The following GALNT16 variants were observed in gnomAD, a reference collection of about 807,000 sequenced individuals.
GALNT16 encodes the protein UDP-GalNAc:polypeptide N-acetylgalactosaminyltransferase-like protein 1.
GALNT16 carries 40 observed loss-of-function variants against 76.1 expected under a neutral mutation model. The observed-to-expected ratio is 0.53, with a 90% confidence interval of 0.41 to 0.68. GALNT16 has a LOEUF of 0.68. Among genes scored for constraint, GALNT16 ranks in the 30% least tolerant of loss-of-function variants. The pLI, the probability that GALNT16 is intolerant of heterozygous loss-of-function variation, is 0.00. For synonymous variants in GALNT16, 276 were observed against 285.2 expected (o/e 0.97, Z 0.32); for missense variants, 621 against 731.9 (o/e 0.85, Z 1.75).
the GALNT16 span, among the ~76,000 whole-genome samples, chr14:69,372,797 A>C: frequency 6.6e-6 from 1 of 152,184 alleles, no homozygotes; most frequent in Non-Finnish European, 1.5e-5. Context: ...TCTCTAATCA[A>C]CTTCATTCTA....
At chr14:69,383,002 C>T in the GALNT16 span, among the ~76,000 whole-genome samples, 2 of 152,156 alleles carry the variant, frequency 1.3e-5, no homozygotes. Flanking sequence ...GCAGTGAAAT[C>T]AGAAATGTCT....
intron 1 of GALNT16, among the ~76,000 whole-genome samples, chr14:69,305,624 TG>T (rs765271433): frequency 2.6e-5 from 4 of 152,250 alleles, no homozygotes; most frequent in Non-Finnish European, 5.9e-5. Context: ...TTTTTGTTTT[TG>T]TTTTTTTTAA....
intron 1 of GALNT16, among the ~76,000 whole-genome samples, chr14:69,293,137 T>C (rs2044709568): frequency 6.6e-6 from 1 of 152,124 alleles, no homozygotes; most frequent in African/African-American, 2.4e-5. Context: ...AAGGTAAGTA[T>C]CTTGTCACTG....
chr14:69,294,139 T>G (rs8006277), intron 1 of GALNT16, among the ~76,000 whole-genome samples: 4 of 151,772 alleles, frequency 2.6e-5, no homozygotes, highest in Non-Finnish European at 5.9e-5. Context: ...CCACCCGCCT[T>G]GGCCTCCCAT....
the GALNT16 span, among the ~76,000 whole-genome samples, chr14:69,382,779 ACTCT>A: frequency 6.8e-6 from 1 of 146,458 alleles, no homozygotes; most frequent in African/African-American, 2.6e-5. Context: ...ACAGTGCAAG[ACTCT>A]ATCTCCAAAA....
chr14:69,330,365 A>C (rs1289192060), intron 6 of GALNT16, among the ~76,000 whole-genome samples: 1 of 152,240 alleles, frequency 6.6e-6, no homozygotes, highest in East Asian at 1.9e-4. Context: ...AATGTCCAGA[A>C]TAAGCAAATC....
At chr14:69,371,990 C>T in the GALNT16 span, among the ~76,000 whole-genome samples, 1 of 152,028 alleles carries the variant, frequency 6.6e-6, no homozygotes, top group African/African-American at 2.4e-5. Flanking sequence ...TATCATTCAC[C>T]TGGCTCTACA....
At chr14:69,380,784 C>A in the GALNT16 span, 1 of 582,986 alleles carries the variant, frequency 1.7e-6, no homozygotes, top group Non-Finnish European at 3.1e-6. Context: ...GAGCTACTTA[C>A]ACAGTCGTTG....
intron 14 of GALNT16, chr14:69,351,404 T>C (rs1172081960): frequency 6.6e-6 from 1 of 152,204 alleles, no homozygotes; most frequent in Non-Finnish European, 1.5e-5. Flanking sequence ...AATAACTACA[T>C]AGAAGCTGGA....
intron 1 of GALNT16, among the ~76,000 whole-genome samples, chr14:69,283,467 C>T (rs1430171573): frequency 6.6e-6 from 1 of 152,176 alleles, no homozygotes; most frequent in African/African-American, 2.4e-5. Context: ...GTTTGTCTAC[C>T]AGGGTCACAC....
At chr14:69,313,306 C>A (rs906655139) in intron 1 of GALNT16, among the ~76,000 whole-genome samples, 2 of 152,244 alleles carry the variant, frequency 1.3e-5, no homozygotes, top group Non-Finnish European at 2.9e-5. Flanking sequence ...CATCACATAT[C>A]TCTGGCATGG....
intron 1 of GALNT16, among the ~76,000 whole-genome samples, chr14:69,304,426 T>C (rs968015292): frequency 3.9e-5 from 6 of 152,244 alleles, no homozygotes; most frequent in African/African-American, 1.2e-4. Flanking sequence ...TTTAATTCCA[T>C]ATGTGGTTTT....
At chr14:69,356,414 C>T (rs2045693138), downstream of GALNT16, 1 of 152,068 alleles carries the variant, frequency 6.6e-6, no homozygotes, top group African/African-American at 2.4e-5. Flanking sequence ...TTGGGAGGGT[C>T]CTTTGAACCC....
rs537342634 is a variant in GALNT16 at position 69,286,481 on chromosome 14, T to C, written c.177+26014T>C. On this transcript the variant is annotated intron_variant, in intron 1 of 14. Coordinates refer to ENST00000448469, the MANE Select transcript of GALNT16 (RefSeq NM_001168368.2). Reference sequence around the variant, plus strand: ...ACCACGCCTGGCTAATTTTTGTATTTTTAGTAGAGATGGGGTTTCACCATG... The same window carrying C: ...ACCACGCCTGGCTAATTTTTGTATTCTTAGTAGAGATGGGGTTTCACCATG... 1.6e-4 allele frequency among the ~76,000 whole-genome samples: 25 copies of C among 152,118 alleles called. No homozygotes were observed. The East Asian group carries it at 4.8e-3, about 29-fold the overall frequency.
intron 1 of GALNT16, among the ~76,000 whole-genome samples, chr14:69,272,868 G>T (rs898023849): frequency 1.3e-5 from 2 of 152,208 alleles, no homozygotes; most frequent in East Asian, 1.9e-4. Context: ...GAGCAATAGG[G>T]TATCCCATAT....
At chr14:69,275,624 A>G (rs1248696958) in intron 1 of GALNT16, among the ~76,000 whole-genome samples, 1 of 152,240 alleles carries the variant, frequency 6.6e-6, no homozygotes, top group Non-Finnish European at 1.5e-5. Context: ...GGGGAGACTG[A>G]GGCAGGAGGA....
intron 2 of GALNT16, among the ~76,000 whole-genome samples, chr14:69,323,988 G>T (rs1342173609): frequency 6.6e-6 from 1 of 152,202 alleles, no homozygotes; most frequent in Admixed American, 6.5e-5. Flanking sequence ...TGGCAGGAAT[G>T]AATTGTTTTC....
At chr14:69,312,076 T>C (rs199652245) in intron 1 of GALNT16, among the ~76,000 whole-genome samples, 22,184 of 150,062 alleles carry the variant, frequency 0.15, 2,524 homozygotes, top group East Asian at 0.42. Flanking sequence ...TATCTATCTA[T>C]CTATCTATCT....
At chr14:69,377,804 C>CAAAAAAAAAAAAAA in the GALNT16 span, among the ~76,000 whole-genome samples, 7 of 37,486 alleles carry the variant, frequency 1.9e-4, no homozygotes, top group Non-Finnish European at 2.3e-4. Context: ...GAGACTGTCT[C>CAAAAAAAAAAAAAA]AAAAAAAAAA....
Sources: allele counts gnomAD v4.1 joint callset (sites outside exome capture counted in the v4.1 genomes callset), GRCh38; gene constraint gnomAD v4.1.1; transcripts MANE v1.5; gene names NCBI Gene and HGNC (gene_info 2026-07-23, HGNC 2026-07-21).